Variants in PIP4K2A observed in about 807,000 individuals in gnomAD.
The protein encoded by PIP4K2A is phosphatidylinositol 5-phosphate 4-kinase type-2 alpha.
A neutral mutation model predicts 42.9 loss-of-function variants in PIP4K2A; 14 were observed. The ratio of observed to expected loss-of-function variants is 0.33; its 90% CI spans 0.22 to 0.51. The LOEUF is 0.51. PIP4K2A is among the 20% of genes least tolerant of loss of function. The pLI is 0.97. For missense variants in PIP4K2A, 434 were observed against 519.8 expected (o/e 0.83, Z 1.61); for synonymous variants, 192 against 192.2 (o/e 1.00, Z 0.01).
intron 1 of PIP4K2A, among the ~76,000 whole-genome samples, chr10:22,616,800 A>G (rs908098037): frequency 6.6e-6 from 1 of 152,260 alleles, no homozygotes; most frequent in Non-Finnish European, 1.5e-5. Flanking sequence ...GTGGTATAAT[A>G]GCACAATGTA....
chr10:22,583,830 C>T (rs34786070), intron 4 of PIP4K2A, among the ~76,000 whole-genome samples: 4 of 152,242 alleles, frequency 2.6e-5, no homozygotes, highest in Non-Finnish European at 4.4e-5. Flanking sequence ...CCCAGCTGAG[C>T]GTGTACGGTC....
chr10:22,643,898 C>T (rs1363418535), intron 1 of PIP4K2A, among the ~76,000 whole-genome samples: 1 of 152,130 alleles, frequency 6.6e-6, no homozygotes, highest in Non-Finnish European at 1.5e-5. Context: ...TGGAAGGCTC[C>T]TGGCCACTTC....
intron 6 of PIP4K2A, among the ~76,000 whole-genome samples, chr10:22,562,019 C>G (rs1156282525): frequency 6.6e-6 from 1 of 152,018 alleles, no homozygotes; most frequent in African/African-American, 2.4e-5. Flanking sequence ...TATTTCAAAC[C>G]AGAGGTACCA....
intron 1 of PIP4K2A, among the ~76,000 whole-genome samples, chr10:22,711,546 A>C (rs1396969146): frequency 6.6e-6 from 1 of 152,252 alleles, no homozygotes; most frequent in Non-Finnish European, 1.5e-5. Context: ...TCATCCAAAC[A>C]ACCTCAGTTC....
At chr10:22,617,313 C>T (rs1360563599) in intron 1 of PIP4K2A, among the ~76,000 whole-genome samples, 1 of 152,138 alleles carries the variant, frequency 6.6e-6, no homozygotes, top group Non-Finnish European at 1.5e-5. Context: ...TAAGTGAGAC[C>T]CAGCTGGTAA....
chr10:22,624,258 T>C (rs1187800668), intron 1 of PIP4K2A, among the ~76,000 whole-genome samples: 1 of 152,182 alleles, frequency 6.6e-6, no homozygotes, highest in African/African-American at 2.4e-5. Context: ...CACATATTAC[T>C]GGAGAAGCAC....
intron 6 of PIP4K2A, among the ~76,000 whole-genome samples, chr10:22,553,149 G>A (rs2130764074): frequency 6.6e-6 from 1 of 152,254 alleles, no homozygotes; most frequent in African/African-American, 2.4e-5. Context: ...ATTGGATCAA[G>A]CTCAAAAAAG....
At chr10:22,587,439 A>C (rs774080319) in intron 4 of PIP4K2A, among the ~76,000 whole-genome samples, 1 of 152,236 alleles carries the variant, frequency 6.6e-6, no homozygotes, top group Admixed American at 6.5e-5. Context: ...AACAGAAGAA[A>C]TGATGATCAC....
chr10:22,648,668 A>T lies in PIP4K2A; in HGVS notation c.145-38951T>A, dbSNP rs181755577. Among the ~76,000 whole-genome samples, 52 of 152,294 alleles carry T rather than the reference A, an allele frequency of 3.4e-4. 1 individual carries two copies. In the East Asian group the frequency reaches 0.01, roughly 29 times the overall value. On this transcript the variant is annotated intron_variant, in intron 1 of 9. Coordinates refer to ENST00000376573, the MANE Select transcript of PIP4K2A (RefSeq NM_005028.5). ...AACTGATTAACCACAATCAGACATT[A>T]AAAAAATTCCCTGGCTCTTGTGGTC...
chr10:22,645,549 TA>T (rs71395807), intron 1 of PIP4K2A, among the ~76,000 whole-genome samples: 33,764 of 126,656 alleles, frequency 0.27, 4,426 homozygotes, highest in Non-Finnish European at 0.34. Flanking sequence ...TCTATTTCTT[TA>T]AAAAAAAAAA....
At chr10:22,583,837 G>C (rs184570836) in intron 4 of PIP4K2A, among the ~76,000 whole-genome samples, 1 of 152,322 alleles carries the variant, frequency 6.6e-6, no homozygotes, top group East Asian at 1.9e-4. Context: ...GAGCGTGTAC[G>C]GTCTGCAGAA....
intron 6 of PIP4K2A, among the ~76,000 whole-genome samples, chr10:22,552,840 C>A (rs1005760388): frequency 6.6e-6 from 1 of 152,102 alleles, no homozygotes; most frequent in African/African-American, 2.4e-5. Context: ...CTCAATTCCA[C>A]AACCCATTTT....
chr10:22,664,077 GTATATATATATACATA>G (rs1839269464), intron 1 of PIP4K2A, among the ~76,000 whole-genome samples: 2 of 37,744 alleles, frequency 5.3e-5, no homozygotes, highest in Admixed American at 2.9e-4. Context: ...ATATATATAC[GTATATATATATACATA>G]TATATATATA....
intron 6 of PIP4K2A, among the ~76,000 whole-genome samples, chr10:22,555,429 T>C (rs1836514458): frequency 6.6e-6 from 1 of 152,242 alleles, no homozygotes; most frequent in Non-Finnish European, 1.5e-5. Flanking sequence ...CGTTATATGC[T>C]AATCATGTTC....
At chr10:22,639,579 C>T (rs1203522277) in intron 1 of PIP4K2A, among the ~76,000 whole-genome samples, 1 of 151,784 alleles carries the variant, frequency 6.6e-6, no homozygotes, top group Non-Finnish European at 1.5e-5. Context: ...AGAGTGTGCA[C>T]AATTCGCGGA....
chr10:22,598,865 T>C (rs1173434173), intron 3 of PIP4K2A, among the ~76,000 whole-genome samples: 1 of 152,256 alleles, frequency 6.6e-6, no homozygotes, highest in Non-Finnish European at 1.5e-5. Context: ...AAAAATCTAA[T>C]AATCAACATG....
chr10:22,588,257 A>G (rs1045728618), intron 4 of PIP4K2A, among the ~76,000 whole-genome samples: 1 of 152,218 alleles, frequency 6.6e-6, no homozygotes, highest in African/African-American at 2.4e-5. Flanking sequence ...TACATGGCCT[A>G]TACTGATAAT....
chr10:22,690,132 T>C (rs1839835208), intron 1 of PIP4K2A, among the ~76,000 whole-genome samples: 1 of 152,236 alleles, frequency 6.6e-6, no homozygotes, highest in Non-Finnish European at 1.5e-5. Flanking sequence ...GGGCCAGGCA[T>C]GGTTCTAAGG....
At chr10:22,675,386 G>A (rs1425310957) in intron 1 of PIP4K2A, among the ~76,000 whole-genome samples, 1 of 152,160 alleles carries the variant, frequency 6.6e-6, no homozygotes, top group Non-Finnish European at 1.5e-5. Context: ...AGGAGTTTGA[G>A]ACCAGCCTGA....
Sources: allele counts gnomAD v4.1 joint callset (sites outside exome capture counted in the v4.1 genomes callset), GRCh38; gene constraint gnomAD v4.1.1; transcripts MANE v1.5; gene names NCBI Gene and HGNC (gene_info 2026-07-23, HGNC 2026-07-21).